The following ABTB3 variants were observed in gnomAD, a reference collection of about 807,000 sequenced individuals.
ABTB3 encodes the protein ankyrin repeat- and BTB/POZ domain-containing protein 3.
At chr12:107,532,478 C>T in the ABTB3 span, among the ~76,000 whole-genome samples, 1 of 152,140 alleles carries the variant, frequency 6.6e-6, no homozygotes, top group Non-Finnish European at 1.5e-5. Flanking sequence ...GCTGCGCCCA[C>T]CTGGAATCAA....
chr12:107,432,079 C>A, the ABTB3 span, among the ~76,000 whole-genome samples: 1 of 152,322 alleles, frequency 6.6e-6, no homozygotes, highest in Non-Finnish European at 1.5e-5. Flanking sequence ...GTTATGTTGT[C>A]CAGCCCACAG....
chr12:107,584,626 G>A, the ABTB3 span, among the ~76,000 whole-genome samples: 3 of 152,340 alleles, frequency 2.0e-5, no homozygotes, highest in East Asian at 3.9e-4. Context: ...GTTGGTGGCT[G>A]GAGTGTCTGT....
the ABTB3 span, among the ~76,000 whole-genome samples, chr12:107,406,391 C>G: frequency 6.6e-6 from 1 of 152,194 alleles, no homozygotes; most frequent in Non-Finnish European, 1.5e-5. Context: ...GATCACACCA[C>G]TATATTCCAG....
At chr12:107,424,255 C>T in the ABTB3 span, among the ~76,000 whole-genome samples, 15 of 152,320 alleles carry the variant, frequency 9.8e-5, no homozygotes, top group African/African-American at 3.1e-4. Context: ...TCAGGTTCAG[C>T]GCTTCTCCAG....
chr12:107,378,393 C>A, the ABTB3 span, among the ~76,000 whole-genome samples: 1 of 152,196 alleles, frequency 6.6e-6, no homozygotes, highest in Admixed American at 6.5e-5. Context: ...CCAGGACCTG[C>A]GCTTAAAGCA....
chr12:107,601,920 C>G, the ABTB3 span, among the ~76,000 whole-genome samples: 2 of 152,314 alleles, frequency 1.3e-5, no homozygotes, highest in South Asian at 2.1e-4. Flanking sequence ...AAAGCTGTGC[C>G]AGGTTGCCTG....
At chr12:107,424,422 G>A in the ABTB3 span, among the ~76,000 whole-genome samples, 2 of 152,168 alleles carry the variant, frequency 1.3e-5, no homozygotes, top group South Asian at 2.1e-4. Context: ...TTGGAGATGC[G>A]GAGTGGATTC....
At chr12:107,428,023 C>T in the ABTB3 span, among the ~76,000 whole-genome samples, 1 of 152,198 alleles carries the variant, frequency 6.6e-6, no homozygotes, top group African/African-American at 2.4e-5. Flanking sequence ...CACCTCATCT[C>T]CTCATGCATC....
chr12:107,397,910 T>G, the ABTB3 span, among the ~76,000 whole-genome samples: 1 of 152,198 alleles, frequency 6.6e-6, no homozygotes, highest in Non-Finnish European at 1.5e-5. Context: ...CTGTGCTGCG[T>G]TGACATATGG....
chr12:107,514,028 A>T, the ABTB3 span, among the ~76,000 whole-genome samples: 1 of 152,260 alleles, frequency 6.6e-6, no homozygotes, highest in South Asian at 2.1e-4. Flanking sequence ...GGTACTTTCT[A>T]TAGGCCAGAG....
the ABTB3 span, among the ~76,000 whole-genome samples, chr12:107,605,438 G>A: frequency 2.0e-5 from 3 of 152,236 alleles, no homozygotes; most frequent in African/African-American, 7.2e-5. Context: ...CAGAGAGCCA[G>A]GGGAAGGACC....
the ABTB3 span, among the ~76,000 whole-genome samples, chr12:107,368,987 T>C: frequency 2.0e-5 from 3 of 152,234 alleles, no homozygotes; most frequent in Admixed American, 2.0e-4. Context: ...AGTTAGATGT[T>C]AATTCTTTGT....
the ABTB3 span, among the ~76,000 whole-genome samples, chr12:107,346,306 C>T: frequency 4.6e-5 from 7 of 152,162 alleles, no homozygotes; most frequent in East Asian, 1.4e-3. Context: ...TCTGGAAGCA[C>T]CCCCATTGAA....
the ABTB3 span, among the ~76,000 whole-genome samples, chr12:107,326,530 C>T: frequency 3.3e-5 from 5 of 152,190 alleles, no homozygotes; most frequent in African/African-American, 1.2e-4. Context: ...GTATCATTGG[C>T]TCTCTGACCA....
At chr12:107,635,617 C>A in the ABTB3 span, among the ~76,000 whole-genome samples, 1 of 152,094 alleles carries the variant, frequency 6.6e-6, no homozygotes, top group Admixed American at 6.5e-5. Flanking sequence ...GGGACTTTCT[C>A]CCCTAGACAC....
chr12:107,445,343 C>T, the ABTB3 span, among the ~76,000 whole-genome samples: 8 of 152,322 alleles, frequency 5.3e-5, no homozygotes, highest in South Asian at 1.2e-3. Context: ...TTATTGCACA[C>T]CTACCATATG....
chr12:107,433,479 C>G, the ABTB3 span, among the ~76,000 whole-genome samples: 2 of 115,826 alleles, frequency 1.7e-5, no homozygotes, highest in Admixed American at 2.3e-4. Context: ...GCTTGACAAG[C>G]AAGGTGGCCC....
At chr12:107,451,573 G>T in the ABTB3 span, among the ~76,000 whole-genome samples, 1 of 152,154 alleles carries the variant, frequency 6.6e-6, no homozygotes, top group Non-Finnish European at 1.5e-5. Flanking sequence ...TGACCTCGCG[G>T]TAAAGTCTGA....
At chr12:107,468,058 G>A in the ABTB3 span, among the ~76,000 whole-genome samples, 2 of 152,150 alleles carry the variant, frequency 1.3e-5, no homozygotes, top group Admixed American at 6.5e-5. Flanking sequence ...TTGCTGAAAT[G>A]CATCCATGGT....
Sources: allele counts gnomAD v4.1 joint callset (sites outside exome capture counted in the v4.1 genomes callset), GRCh38; gene constraint gnomAD v4.1.1; transcripts MANE v1.5; gene names NCBI Gene and HGNC (gene_info 2026-07-23, HGNC 2026-07-21).